Variants in WNT2 observed in about 807,000 individuals in gnomAD.
The protein encoded by WNT2 is protein Wnt-2.
A neutral mutation model predicts 36.9 loss-of-function variants in WNT2; 12 were observed. That is an observed-to-expected ratio of 0.33 (90% CI 0.21 to 0.53). The LOEUF is 0.53. WNT2 is among the 20% of genes least tolerant of loss of function. The pLI is 0.95. For missense variants in WNT2, 379 were observed against 473.1 expected (o/e 0.80, Z 1.84); for synonymous variants, 163 against 174.6 (o/e 0.93, Z 0.52).
rs1794408933 is a variant in WNT2 at position 117,277,950 on chromosome 7, G to C, written c.*205C>G. ...AGGGGAGATGACTGCAGAACACCAG[G>C]AGATGGATAGAATAGGGTAGGCTTT... On this transcript the variant is annotated 3_prime_UTR_variant, in exon 5 of 5. Coordinates refer to ENST00000265441, the MANE Select transcript of WNT2 (RefSeq NM_003391.3). The C allele has an allele frequency of 1.7e-6, 1 of 595,362 alleles. No individual in the cohort carries two copies. Among genetic ancestry groups the C allele is most frequent in the Non-Finnish European group, 3.0e-6 (1 of 335,090 alleles). 36.9% of individuals were successfully genotyped at this position (595,362 alleles called of 1,614,324 possible).
At chr7:117,309,953 T>C (rs763568196) in intron 3 of WNT2, among the ~76,000 whole-genome samples, 11 of 147,766 alleles carry the variant, frequency 7.4e-5, no homozygotes, top group Non-Finnish European at 1.5e-4. Flanking sequence ...CTAGTAAATC[T>C]ATTTTTTTTT....
rs575912885 is a variant in WNT2, at chr7:117,284,590, A to T, written c.854-6206T>A. On this transcript the variant is annotated intron_variant, in intron 4 of 4. Coordinates refer to ENST00000265441, the MANE Select transcript of WNT2 (RefSeq NM_003391.3). The surrounding 1 kb of genome is among the most constrained non-coding windows in gnomAD (Gnocchi z 5.2). Reference sequence around the variant, plus strand: ...ATAAGGGTGAGTTTTCACATTTTCCAAGCTGAATGGAGTGAAAGTTCATTC... The same window carrying T: ...ATAAGGGTGAGTTTTCACATTTTCCTAGCTGAATGGAGTGAAAGTTCATTC... Among the ~76,000 whole-genome samples the T allele has an allele frequency of 8.3e-4, 126 of 152,296 alleles. No homozygotes were observed. Among genetic ancestry groups the T allele is most frequent in the Non-Finnish European group, 2.2e-4 (15 of 68,030 alleles).
At chr7:117,296,137 G>C (rs1794785534) in intron 4 of WNT2, among the ~76,000 whole-genome samples, 1 of 152,206 alleles carries the variant, frequency 6.6e-6, no homozygotes, top group Admixed American at 6.5e-5. Context: ...AGGGGGGTCA[G>C]ACCCCTGGGA....
intron 4 of WNT2, among the ~76,000 whole-genome samples, chr7:117,286,186 T>G (rs1394324521): frequency 6.6e-6 from 1 of 152,180 alleles, no homozygotes; most frequent in Non-Finnish European, 1.5e-5. Flanking sequence ...ATGTAACACT[T>G]TTGGTGGAGC....
At chr7:117,299,253 G>A (rs1209366642) in intron 3 of WNT2, among the ~76,000 whole-genome samples, 1 of 152,206 alleles carries the variant, frequency 6.6e-6, no homozygotes, top group African/African-American at 2.4e-5. Context: ...AACCCTGGGA[G>A]TGCCATCTGG....
At chr7:117,281,646 GA>G (rs879770767) in intron 4 of WNT2, among the ~76,000 whole-genome samples, 81 of 152,114 alleles carry the variant, frequency 5.3e-4, no homozygotes, top group African/African-American at 1.9e-3. Flanking sequence ...AAGTCTGGAA[GA>G]GCAGCTTAGG....
At position 117,278,051 on chromosome 7, in the gene WNT2, T is replaced by C; in HGVS notation, c.*104A>G. On this transcript the variant is annotated 3_prime_UTR_variant, in exon 5 of 5. Coordinates refer to ENST00000265441, the MANE Select transcript of WNT2 (RefSeq NM_003391.3). Reference sequence around the variant, plus strand: ...GGCTTCCGTTGAGATAAAGGCCACATGCCTTAGGAAATATCCCCCCAGAAA... The same window carrying C: ...GGCTTCCGTTGAGATAAAGGCCACACGCCTTAGGAAATATCCCCCCAGAAA... The C allele has an allele frequency of 1.5e-6, 2 of 1,344,612 alleles. No individual in the cohort carries two copies. The highest frequency in any genetic ancestry group is 1.9e-4 in the Middle Eastern group (1 of 5,350). 83.3% of individuals were successfully genotyped at this position (1,344,612 alleles called of 1,614,324 possible).
In WNT2 at chr7:117,275,994, A is replaced by G. The variant is rs1269369484; in HGVS notation, c.*2161T>C. Among the ~76,000 whole-genome samples the G allele has an allele frequency of 6.6e-6, 1 of 152,250 alleles. No homozygotes were observed. The highest frequency in any genetic ancestry group is 1.5e-5 in the Non-Finnish European group (1 of 68,054). On this transcript the variant is annotated 3_prime_UTR_variant, in exon 5 of 5. Coordinates refer to ENST00000265441, the MANE Select transcript of WNT2 (RefSeq NM_003391.3). ...AAAAAGTAGCAAACACACCATTGGA[A>G]GCTAAAATTATTTAAAATCCACTGA... is the stretch of plus-strand genomic sequence containing the variant.
At chr7:117,288,289 C>T (rs913927750) in intron 4 of WNT2, among the ~76,000 whole-genome samples, 3 of 152,164 alleles carry the variant, frequency 2.0e-5, no homozygotes, top group Admixed American at 6.5e-5. Flanking sequence ...ATCAAAGGAA[C>T]CTTAGAAATT....
intron 3 of WNT2, among the ~76,000 whole-genome samples, chr7:117,310,082 T>C (rs1584692745): frequency 6.6e-6 from 1 of 152,160 alleles, no homozygotes; most frequent in Non-Finnish European, 1.5e-5. Context: ...GCCCAGTTAA[T>C]TTTTTAAGTC....
At chr7:117,297,042 T>C (rs1289213802) in intron 4 of WNT2, among the ~76,000 whole-genome samples, 1 of 152,172 alleles carries the variant, frequency 6.6e-6, no homozygotes, top group Non-Finnish European at 1.5e-5. Flanking sequence ...CAGGATCACA[T>C]GAAAGATGCT....
chr7:117,286,739 C>T (rs896149760), intron 4 of WNT2, among the ~76,000 whole-genome samples: 6 of 134,580 alleles, frequency 4.5e-5, no homozygotes, highest in African/African-American at 1.6e-4. Flanking sequence ...CCCTTCCTCA[C>T]ATTTGGACTG....
intron 4 of WNT2, among the ~76,000 whole-genome samples, chr7:117,283,123 G>T (rs1473694033): frequency 6.6e-6 from 1 of 152,146 alleles, no homozygotes; most frequent in Admixed American, 6.5e-5. Context: ...TGACTGTGGG[G>T]CATTCAGGTA....
At chr7:117,279,791 C>A (rs1438646306) in intron 4 of WNT2, among the ~76,000 whole-genome samples, 4 of 152,032 alleles carry the variant, frequency 2.6e-5, no homozygotes, top group Non-Finnish European at 5.9e-5. Flanking sequence ...AATTGATAAA[C>A]CTAGAGAAGC....
chr7:117,321,118 A>T (rs768411823), intron 1 of WNT2, among the ~76,000 whole-genome samples: 44 of 152,276 alleles, frequency 2.9e-4, no homozygotes, highest in Non-Finnish European at 4.9e-4. Flanking sequence ...GACGGGTAAG[A>T]AGCAACGTGT....
At chr7:117,310,768 A>G (rs1306494186) in intron 3 of WNT2, among the ~76,000 whole-genome samples, 3 of 152,088 alleles carry the variant, frequency 2.0e-5, no homozygotes, top group African/African-American at 7.2e-5. Flanking sequence ...TTCATCCTGG[A>G]AAGTGCTTTC....
chr7:117,318,631 A>G (rs962919841), intron 2 of WNT2, among the ~76,000 whole-genome samples: 1 of 152,158 alleles, frequency 6.6e-6, no homozygotes, highest in Non-Finnish European at 1.5e-5. Flanking sequence ...TCCTCCTCCC[A>G]GGTTCAAGTG....
intron 3 of WNT2, among the ~76,000 whole-genome samples, chr7:117,305,447 A>G (rs1794996507): frequency 6.6e-6 from 1 of 152,078 alleles, no homozygotes; most frequent in Non-Finnish European, 1.5e-5. Flanking sequence ...TTTATCCTTG[A>G]ATTACTGCAT....
intron 2 of WNT2, among the ~76,000 whole-genome samples, chr7:117,317,105 C>A (rs1795235524): frequency 6.6e-6 from 1 of 152,060 alleles, no homozygotes. Flanking sequence ...GAGGAAATTC[C>A]CAAAAGCTTA....
Sources: gnomAD v4.1 joint callset for allele counts (sites outside exome capture counted in the v4.1 genomes callset) on GRCh38, gnomAD v4.1.1 for gene constraint, Gnocchi (gnomAD v3.1) non-coding constraint, MANE v1.5 for transcripts, NCBI Gene and HGNC (gene_info 2026-07-23, HGNC 2026-07-21) for gene names.